Variants in LCORL observed in about 807,000 individuals in gnomAD.
LCORL encodes ligand-dependent nuclear receptor corepressor-like protein.
LCORL carries 41 observed loss-of-function variants against 141.8 expected under a neutral mutation model. The ratio of observed to expected loss-of-function variants is 0.29; its 90% CI spans 0.23 to 0.38. LCORL has a LOEUF of 0.38. Among genes scored for constraint, LCORL ranks in the 10% least tolerant of loss-of-function variants. LCORL has a pLI of 1.00. For missense variants in LCORL, 1,759 were observed against 2,035.0 expected (o/e 0.86, Z 2.61); for synonymous variants, 618 against 694.1 (o/e 0.89, Z 1.72).
chr4:17,912,594 G>A (rs1732743292), intron 4 of LCORL: 2 of 414,694 alleles, frequency 4.8e-6, no homozygotes, highest in Non-Finnish European at 4.7e-6. Flanking sequence ...GTGCAGCTGA[G>A]ACTTACAGTC....
At chr4:17,959,663 A>G (rs1713390979) in intron 4 of LCORL, among the ~76,000 whole-genome samples, 1 of 152,040 alleles carries the variant, frequency 6.6e-6, no homozygotes, top group African/African-American at 2.4e-5. Context: ...TAGTTACCAT[A>G]AGGATATTAG....
chr4:17,940,794 T>A (rs1737827809), intron 4 of LCORL, among the ~76,000 whole-genome samples: 1 of 152,184 alleles, frequency 6.6e-6, no homozygotes, highest in African/African-American at 2.4e-5. Context: ...ATCCTATCTA[T>A]GAACTTTTGG....
intron 5 of LCORL, among the ~76,000 whole-genome samples, chr4:17,903,832 G>C (rs182534464): frequency 1.8e-4 from 28 of 152,144 alleles, no homozygotes; most frequent in Admixed American, 1.5e-3. Flanking sequence ...TAAGGAAGTT[G>C]AAAAGATTTG....
At chr4:17,913,123 G>A (rs1199182467) in intron 4 of LCORL, 2 of 188,738 alleles carry the variant, frequency 1.1e-5, no homozygotes, top group African/African-American at 4.7e-5. Flanking sequence ...AATTTGTGAG[G>A]ACAAAAATCC....
chr4:17,854,696 AAAAC>A (rs1417831427), intron 7 of LCORL, among the ~76,000 whole-genome samples: 1 of 152,192 alleles, frequency 6.6e-6, no homozygotes. Context: ...AAAAAAAACA[AAAAC>A]AAAAAACTTA....
At position 17,982,165 on chromosome 4, in the gene LCORL, T is replaced by A. The variant is rs1240884247; in HGVS notation, c.155-9280A>T. Among the ~76,000 whole-genome samples, 4 of 150,758 alleles carry A rather than the reference T, an allele frequency of 2.7e-5. No homozygotes were observed. The East Asian group carries it at 7.9e-4, about 30-fold the overall frequency. ...GTGTGTATACAAGATATTTTCTTTATCCAATCTATCAATGATGGGCATTTA... is the reference window on the plus strand; with the variant it reads ...GTGTGTATACAAGATATTTTCTTTAACCAATCTATCAATGATGGGCATTTA... On this transcript the variant is annotated intron_variant, in intron 1 of 7. Coordinates refer to ENST00000635767, the Ensembl canonical transcript of LCORL.
exon 7 of LCORL, chr4:17,874,202 C>T: frequency 8.1e-7 from 1 of 1,233,898 alleles, no homozygotes; most frequent in Non-Finnish European, 1.0e-6. Flanking sequence ...TAAACTCAGT[C>T]CTTTTTAATC....
At chr4:17,915,560 A>G (rs1733264867) in intron 4 of LCORL, among the ~76,000 whole-genome samples, 1 of 152,232 alleles carries the variant, frequency 6.6e-6, no homozygotes, top group Non-Finnish European at 1.5e-5. Context: ...TGGGAATAGT[A>G]TTAATGAAAG....
At chr4:17,886,158 T>A (rs1396644474) in exon 6 of LCORL, 3 of 1,565,482 alleles carry the variant, frequency 1.9e-6, no homozygotes, top group Middle Eastern at 3.4e-4. Context: ...TAACACTCCA[T>A]CCCCTATAAT....
At chr4:17,989,189 T>C (rs752854351) in intron 1 of LCORL, among the ~76,000 whole-genome samples, 9 of 152,240 alleles carry the variant, frequency 5.9e-5, no homozygotes, top group Non-Finnish European at 1.2e-4. Context: ...TTTTATTGTT[T>C]TGATGATCTC....
chr4:17,904,991 C>G (rs1480567161), intron 5 of LCORL, among the ~76,000 whole-genome samples: 2 of 152,096 alleles, frequency 1.3e-5, no homozygotes, highest in Non-Finnish European at 2.9e-5. Context: ...TGCTGGTCTT[C>G]TTTTACTTCC....
chr4:17,889,557 T>C (rs901089491), intron 5 of LCORL, among the ~76,000 whole-genome samples: 3 of 152,094 alleles, frequency 2.0e-5, no homozygotes, highest in African/African-American at 7.2e-5. Context: ...ATCTCACTTT[T>C]TGTTAGCAGT....
At chr4:17,915,987 T>C (rs1397954746) in intron 4 of LCORL, among the ~76,000 whole-genome samples, 2 of 152,140 alleles carry the variant, frequency 1.3e-5, no homozygotes, top group Non-Finnish European at 2.9e-5. Flanking sequence ...TTGATAAACA[T>C]AGAAATTGCC....
intron 2 of LCORL, among the ~76,000 whole-genome samples, chr4:17,965,450 T>C (rs993708548): frequency 6.6e-6 from 1 of 152,156 alleles, no homozygotes; most frequent in Admixed American, 6.6e-5. Context: ...CTCTAAAAGA[T>C]GTTATCTCTC....
At chr4:17,961,823 T>C (rs1713848676) in intron 4 of LCORL, 80 bp downstream of exon 4, 2 of 1,166,584 alleles carry the variant, frequency 1.7e-6, no homozygotes, top group African/African-American at 1.5e-5. Flanking sequence ...GACTGACATA[T>C]AAAAAACTTT....
intron 1 of LCORL, among the ~76,000 whole-genome samples, chr4:17,984,818 C>T (rs1441891250): frequency 5.9e-5 from 9 of 151,988 alleles, no homozygotes; most frequent in Admixed American, 5.9e-4. Flanking sequence ...GGTTAGTTTG[C>T]TCTTGCTTCT....
At chr4:17,997,586 T>C (rs1417615067) in intron 1 of LCORL, among the ~76,000 whole-genome samples, 1 of 152,126 alleles carries the variant, frequency 6.6e-6, no homozygotes, top group Non-Finnish European at 1.5e-5. Flanking sequence ...TAGAGAACAC[T>C]AAAACAAGTG....
intron 5 of LCORL, among the ~76,000 whole-genome samples, chr4:17,896,979 CCTT>C (rs1157654860): frequency 6.6e-6 from 1 of 151,922 alleles, no homozygotes; most frequent in African/African-American, 2.4e-5. Flanking sequence ...AAAAGTTTGT[CCTT>C]CTGTGCCTGA....
At chr4:17,879,186 A>C (rs1727247843) in intron 6 of LCORL, among the ~76,000 whole-genome samples, 1 of 151,188 alleles carries the variant, frequency 6.6e-6, no homozygotes, top group African/African-American at 2.4e-5. Context: ...TAAATGCAGA[A>C]TTATGCTCAT....
Sources: allele counts gnomAD v4.1 joint callset (sites outside exome capture counted in the v4.1 genomes callset), GRCh38; gene constraint gnomAD v4.1.1; transcripts MANE v1.5; gene names NCBI Gene and HGNC (gene_info 2026-07-23, HGNC 2026-07-21).